Variants in LYSMD1 observed in about 807,000 individuals in gnomAD.
LYSMD1 encodes the protein LysM domain containing 1.
In LYSMD1, 9 loss-of-function variants were observed where a neutral mutation model predicts 19.3. The observed-to-expected ratio is 0.47, with a 90% CI of 0.28 to 0.81. The LOEUF is 0.81. Among genes scored for constraint, LYSMD1 ranks in the 40% least tolerant of loss-of-function variants. The probability of loss-of-function intolerance (pLI) is 0.11; values close to 1 mark genes in which losing one functional copy is unlikely to be tolerated. For synonymous variants in LYSMD1, 111 were observed against 111.7 expected, an observed-to-expected ratio of 0.99 and a Z score of 0.04; for missense variants, 262 against 279.8, an observed-to-expected ratio of 0.94 and a Z score of 0.45.
chr1:151,149,680 G>A, the LYSMD1 span, among the ~76,000 whole-genome samples: 1 of 151,668 alleles, frequency 6.6e-6, no homozygotes, highest in Non-Finnish European at 1.5e-5. Context: ...GAACCCAGGA[G>A]GCGGAGCTTG....
chr1:151,160,909 G>C lies in LYSMD1; in HGVS notation c.657C>G (p.Asp219Glu). Residue 219 changes from aspartate (D) to glutamate (E), a missense_variant, in exon 3 of 3, where the codon GAC becomes GAG. Transcript: ENST00000368908. ...TRTSRTRTLRDQEDEIFKL is the reference protein window; with the variant it reads ...TRTSRTRTLREQEDEIFKL ...AGAGTTTGAAGATTTCATCCTCCTG[G>C]TCCCGTAGTGTCCGGGTCCGAGAGG... 1 of 1,614,092 alleles carries C rather than the reference G, an allele frequency of 6.2e-7. No homozygotes were observed. The highest frequency in any genetic ancestry group is 1.3e-5 in the African/African-American group (1 of 75,026).
At chr1:151,158,923 A>G, downstream of LYSMD1, 1 of 1,614,242 alleles carries the variant, frequency 6.2e-7, no homozygotes, top group Non-Finnish European at 8.5e-7. Context: ...GCTGCACCGC[A>G]ATGGCTCCTT....
chr1:151,148,684 T>C, the LYSMD1 span, among the ~76,000 whole-genome samples: 3 of 151,984 alleles, frequency 2.0e-5, no homozygotes, highest in Admixed American at 6.6e-5. Context: ...TTGGTGGGAG[T>C]TGGCTTGGTG....
At position 151,160,875 on chromosome 1, in the gene LYSMD1, G is replaced by A. The variant is rs1379565665; in HGVS notation, c.*7C>T. ...CATCTTGCTTCTCTCAGTCAGTTCT[G>A]GGGACATCAGAGTTTGAAGATTTCA... On this transcript the variant is annotated 3_prime_UTR_variant, in exon 3 of 3. Transcript: ENST00000368908. The A allele has an allele frequency of 6.2e-7, 1 of 1,613,040 alleles. No homozygotes were observed. The highest frequency in any genetic ancestry group is 1.3e-5 in the African/African-American group (1 of 74,900).
chr1:151,159,356 CT>C (rs1683353264), downstream of LYSMD1: 2 of 1,195,592 alleles, frequency 1.7e-6, no homozygotes, highest in Non-Finnish European at 2.3e-6. Context: ...ACTTTTCAAT[CT>C]TCAGGCTTCA....
intron 1 of LYSMD1, among the ~76,000 whole-genome samples, chr1:151,163,802 A>G (rs1370938567): frequency 1.3e-5 from 2 of 152,122 alleles, no homozygotes; most frequent in Non-Finnish European, 2.9e-5. Flanking sequence ...TGCTGGGATT[A>G]CAGGCATGAG....
At chr1:151,154,278 G>A in the LYSMD1 span, among the ~76,000 whole-genome samples, 2 of 151,926 alleles carry the variant, frequency 1.3e-5, no homozygotes, top group South Asian at 2.1e-4. Flanking sequence ...CCAGGAGTTC[G>A]AGACCAGCCT....
downstream of LYSMD1, among the ~76,000 whole-genome samples, chr1:151,158,125 C>T (rs1231907484): frequency 1.3e-5 from 2 of 151,994 alleles, no homozygotes; most frequent in Non-Finnish European, 2.9e-5. Flanking sequence ...GAGTTCGAGA[C>T]CAGTCTGGCC....
At chr1:151,163,828 C>T (rs1264092168) in intron 1 of LYSMD1, among the ~76,000 whole-genome samples, 2 of 151,786 alleles carry the variant, frequency 1.3e-5, no homozygotes, top group Admixed American at 1.3e-4. Context: ...ACGCCTGGCC[C>T]ACCACAGCCC....
intron 1 of LYSMD1, among the ~76,000 whole-genome samples, chr1:151,163,878 TTGTGTG>T (rs57906452): frequency 1.4e-4 from 20 of 142,032 alleles, no homozygotes; most frequent in African/African-American, 3.1e-4. Flanking sequence ...TTTCCTATCT[TTGTGTG>T]TGTGTGTGTG....
chr1:151,157,654 T>G (rs587769346), downstream of LYSMD1, among the ~76,000 whole-genome samples: 1 of 152,202 alleles, frequency 6.6e-6, no homozygotes, highest in African/African-American at 2.4e-5. Flanking sequence ...TCTTTATAAT[T>G]TACTAGTGAC....
chr1:151,158,555 G>A, downstream of LYSMD1: 1 of 833,774 alleles, frequency 1.2e-6, no homozygotes. Context: ...GGGCCCCAGG[G>A]GGCGGAGAGG....
Position 151,165,291 on chromosome 1 carries a change from T to A in LYSMD1, c.-33A>T. 2 of 1,597,824 alleles carry A rather than the reference T, an allele frequency of 1.3e-6. No homozygotes were observed. The highest frequency in any genetic ancestry group is 2.2e-5 in the South Asian group (2 of 89,866). On this transcript the variant is annotated 5_prime_UTR_variant, in exon 1 of 3. Transcript: ENST00000368908. ...CCCTGCCAACAGCTAAGGTTGCAAC[T>A]AGGGGAGGTACGACCGAGACTGCGA...
Position 151,165,424 on chromosome 1 carries a change from T to G in LYSMD1, c.-166A>C. 7.0e-7 allele frequency: 1 copy of G among 1,435,086 alleles called. No homozygotes were observed. The highest frequency in any genetic ancestry group is 9.1e-7 in the Non-Finnish European group (1 of 1,099,144). 88.9% of individuals were successfully genotyped at this position (1,435,086 alleles called of 1,614,324 possible). A position where few individuals can be genotyped will look rare whatever the true frequency, so the allele number is the denominator to read the frequency against. On this transcript the variant is annotated 5_prime_UTR_variant, in exon 1 of 3. Transcript: ENST00000368908. ...ACTACGCCATCTGCCCCCTCCCGGT[T>G]TCTCCTCCCTCCAAGCTACTTATCC...
downstream of LYSMD1, chr1:151,158,847 G>A (rs755895488): frequency 8.1e-6 from 13 of 1,614,066 alleles, no homozygotes; most frequent in East Asian, 4.5e-5. Context: ...AGGAGTACAC[G>A]CACAGCCGGC....
the LYSMD1 span, among the ~76,000 whole-genome samples, chr1:151,153,773 T>C: frequency 1.3e-5 from 2 of 150,960 alleles, no homozygotes; most frequent in Admixed American, 6.6e-5. Context: ...GCCAAGATGG[T>C]AGAAACCCCG....
At position 151,165,299 on chromosome 1, in the gene LYSMD1, G is replaced by A. The variant is rs1332407435; in HGVS notation, c.-41C>T. 7 of 1,590,020 alleles carry A rather than the reference G, an allele frequency of 4.4e-6. No individual in the cohort carries two copies. The African/African-American group carries it at 8.1e-5, about 18-fold the overall frequency. ...ACAGCTAAGGTTGCAACTAGGGGAG[G>A]TACGACCGAGACTGCGACTGACAGG... On this transcript the variant is annotated 5_prime_UTR_variant, in exon 1 of 3. Transcript: ENST00000368908.
At chr1:151,154,897 G>A (rs587634107), downstream of LYSMD1, among the ~76,000 whole-genome samples, 397 of 152,228 alleles carry the variant, frequency 2.6e-3, no homozygotes, top group Middle Eastern at 0.01. Flanking sequence ...GCCCACCTCG[G>A]TGTCCCAAAG....
At chr1:151,164,051 G>A (rs1052667983) in intron 1 of LYSMD1, among the ~76,000 whole-genome samples, 8 of 151,954 alleles carry the variant, frequency 5.3e-5, no homozygotes, top group Non-Finnish European at 8.8e-5. Flanking sequence ...GCACCACCAC[G>A]CCCGGCTAAT....
Sources: gnomAD v4.1 joint callset for allele counts (sites outside exome capture counted in the v4.1 genomes callset) on GRCh38, gnomAD v4.1.1 for gene constraint, MANE v1.5 for transcripts, NCBI Gene and HGNC (gene_info 2026-07-23, HGNC 2026-07-21) for gene names.